GRIN1: variants seen among roughly 807,000 people sequenced by gnomAD.
The protein encoded by GRIN1 is glutamate ionotropic receptor NMDA type subunit 1.
A neutral mutation model predicts 103.0 loss-of-function variants in GRIN1; 38 were observed. The ratio of observed to expected loss-of-function variants is 0.37; its 90% CI spans 0.28 to 0.48. The LOEUF (loss-of-function observed/expected upper bound fraction) is 0.48. GRIN1 is among the 20% of genes least tolerant of loss of function. GRIN1 has a pLI of 0.98. For synonymous variants in GRIN1, 544 were observed against 532.7 expected (o/e 1.02, Z -0.29); for missense variants, 577 against 1,288.9 (o/e 0.45, Z 8.46).
chr9:137,160,968 G>T, intron 8 of GRIN1, 88 bp from the exon 9 acceptor site: 1 of 1,550,594 alleles, frequency 6.4e-7, no homozygotes, highest in Non-Finnish European at 8.8e-7. Flanking sequence ...TAAGAGGGGC[G>T]CCAGGGGAGG....
intron 4 of GRIN1, 101 bp from the exon 5 acceptor site, chr9:137,156,568 G>A: frequency 6.7e-7 from 1 of 1,498,136 alleles, no homozygotes; most frequent in East Asian, 2.4e-5. Context: ...AGGGGATGGG[G>A]GCTGGGCAGG....
rs879705324 is a variant in GRIN1 at position 137,167,704 on chromosome 9, C to T, written c.*177C>T. The T allele has an allele frequency of 1.1e-5, 18 of 1,602,550 alleles. No homozygotes were observed. The highest frequency in any genetic ancestry group is 2.3e-5 in the East Asian group (1 of 44,414). On this transcript the variant is annotated 3_prime_UTR_variant, in exon 20 of 20. Coordinates refer to ENST00000371561, the MANE Select transcript of GRIN1 (RefSeq NM_007327.4). Reference sequence around the variant, plus strand: ...GGTTGGCCGGCTGGCCGGTCCACCCCGTCCCGGCCCCGCGCGTGCCCCCAG... The same window carrying T: ...GGTTGGCCGGCTGGCCGGTCCACCCTGTCCCGGCCCCGCGCGTGCCCCCAG...
chr9:137,162,304 G>C lies in GRIN1; in HGVS notation c.1751+14G>C. 6.5e-7 allele frequency: 1 copy of C among 1,546,944 alleles called. No individual in the cohort carries two copies. The highest frequency in any genetic ancestry group is 8.7e-7 in the Non-Finnish European group (1 of 1,148,806). ...GGACCGCTTCAGGTGAGCGCGACCC[G>C]GGGCTCAGACACCTCCATCTGCGGG... On this transcript the variant is annotated intron_variant, in intron 12 of 19. Coordinates refer to ENST00000371561, the MANE Select transcript of GRIN1 (RefSeq NM_007327.4).
chr9:137,149,562 G>A (rs1832723692), intron 4 of GRIN1, among the ~76,000 whole-genome samples: 1 of 152,244 alleles, frequency 6.6e-6, no homozygotes, highest in Non-Finnish European at 1.5e-5. Flanking sequence ...AACAGCTGCA[G>A]CAGTAGCTTA....
At chr9:137,165,046 C>G (rs1258485899) in intron 18 of GRIN1, 140 bp from the exon 19 acceptor site, 3 of 752,938 alleles carry the variant, frequency 4.0e-6, no homozygotes, top group Admixed American at 1.8e-5. Context: ...GCTGTCGGCC[C>G]GTCTGTCCAG....
In GRIN1 at chr9:137,150,533, C is replaced by T. The variant is rs894660132; in HGVS notation, c.671+1424C>T. On this transcript the variant is annotated intron_variant, in intron 4 of 19. Coordinates refer to ENST00000371561, the MANE Select transcript of GRIN1 (RefSeq NM_007327.4). Reference sequence around the variant, plus strand: ...GATAAAAGCCCCGCCCAGAAAAAGACCCGCCAAAGGAAAGCCCAGCCCAGA... The same window carrying T: ...GATAAAAGCCCCGCCCAGAAAAAGATCCGCCAAAGGAAAGCCCAGCCCAGA... Among the ~76,000 whole-genome samples, 13 of 148,392 alleles carry T rather than the reference C, an allele frequency of 8.8e-5. No homozygotes were observed. In the East Asian group the frequency reaches 1.2e-3, roughly 14 times the overall value.
In GRIN1 at chr9:137,142,045, C is replaced by A. The variant is rs781197755; in HGVS notation, c.291C>A (p.Thr97=). Residue 97 remains threonine (T), a synonymous_variant, in exon 2 of 20, where the codon ACC becomes ACA. Coordinates refer to ENST00000371561, the MANE Select transcript of GRIN1 (RefSeq NM_007327.4). ...VYAILVSHPP[T]PNDHFTPTPV... ...CCATCCTAGTTAGCCATCCACCTAC[C>A]CCCAACGACCACTTCACTCCCACCC... 17 of 1,614,026 alleles carry A rather than the reference C, an allele frequency of 1.1e-5. No homozygotes were observed. In the South Asian group the frequency reaches 1.6e-4, roughly 16 times the overall value.
At chr9:137,165,606 A>G (rs1833830202) in intron 19 of GRIN1, among the ~76,000 whole-genome samples, 1 of 146,008 alleles carries the variant, frequency 6.8e-6, no homozygotes, top group Admixed American at 6.7e-5. Flanking sequence ...CAGCCACACC[A>G]CCTCTCGGGG....
rs987608150 is a variant in GRIN1 at position 137,168,117 on chromosome 9, G to A, written c.*590G>A. On this transcript the variant is annotated 3_prime_UTR_variant, in exon 20 of 20. Coordinates refer to ENST00000371561, the MANE Select transcript of GRIN1 (RefSeq NM_007327.4). ...GGCCCTGGGGTCTCTGAGCAGTGGG[G>A]AGCGGGGGCTAACTGGCCCCAGGCG... 5 of 549,058 alleles carry A rather than the reference G, an allele frequency of 9.1e-6. No homozygotes were observed. Among genetic ancestry groups the A allele is most frequent in the Non-Finnish European group, 1.6e-5 (5 of 309,182 alleles). 34.0% of individuals were successfully genotyped at this position (549,058 alleles called of 1,614,324 possible).
Position 137,160,935 on chromosome 9 carries a change from G to A in GRIN1, c.1198-121G>A, listed in dbSNP as rs1025880358. ...CAGTGGCCGGCGGCGCAGGGCGGGG[G>A]GTGTGAGGGGTGCGTCGGGGATTAA... On this transcript the variant is annotated intron_variant, in intron 8 of 19. Coordinates refer to ENST00000371561, the MANE Select transcript of GRIN1 (RefSeq NM_007327.4). 50 of 1,255,846 alleles carry A rather than the reference G, an allele frequency of 4.0e-5. No homozygotes were observed. In the African/African-American group the frequency reaches 4.4e-4, roughly 11 times the overall value. 77.8% of individuals were successfully genotyped at this position (1,255,846 alleles called of 1,614,324 possible). A position where few individuals can be genotyped will look rare whatever the true frequency, so the allele number is the denominator to read the frequency against.
At position 137,161,947 on chromosome 9, in the gene GRIN1, G is replaced by A; in HGVS notation, c.1491G>A (p.Glu497=). 1 of 1,565,840 alleles carries A rather than the reference G, an allele frequency of 6.4e-7. No homozygotes were observed. Among genetic ancestry groups the A allele is most frequent in the Admixed American group, 1.9e-5 (1 of 53,310 alleles). ...AGGTGAACAACAGCAACAAGAAGGA[G>A]TGGAATGGGATGATGGGCGAGCTGC... The part of the protein sequence containing the change: ...QERVNNSNKK[E]WNGMMGELLS... Residue 497 remains glutamate, a synonymous_variant, in exon 11 of 20, where the codon GAG becomes GAA. Transcript: ENST00000371561.
At chr9:137,148,467 G>A (rs1832670369) in intron 3 of GRIN1, among the ~76,000 whole-genome samples, 3 of 152,206 alleles carry the variant, frequency 2.0e-5, no homozygotes, top group Non-Finnish European at 4.4e-5. Flanking sequence ...TGCTCTCCGG[G>A]AAGTGCATGC....
intron 2 of GRIN1, 39 bp from the exon 3 acceptor site, chr9:137,145,687 C>T (rs773803618): frequency 7.0e-6 from 11 of 1,579,762 alleles, no homozygotes; most frequent in African/African-American, 1.3e-5. Context: ...CGGGTCCCCG[C>T]GGGTCCACCT....
At chr9:137,165,650 C>G (rs1322635278) in intron 19 of GRIN1, among the ~76,000 whole-genome samples, 1 of 152,246 alleles carries the variant, frequency 6.6e-6, no homozygotes, top group African/African-American at 2.4e-5. Context: ...CAGCGTGGCC[C>G]CATCCTGGAC....
rs1412208025 is a variant in GRIN1, at chr9:137,162,108, C to T, written c.1632+20C>T. The T allele has an allele frequency of 8.4e-6, 2 of 238,186 alleles. No homozygotes were observed. The highest frequency in any genetic ancestry group is 4.0e-5 in the African/African-American group (1 of 24,742). The allele number at this position is 238,186 out of a possible 1,614,324, so 14.8% of individuals were successfully genotyped here. On this transcript the variant is annotated intron_variant, in intron 11 of 19. Transcript: ENST00000371561. ...AAGAAGGTGGGCAGGGGCCGGGTGGCGGGGTGGCGGCGGGGGGAGTCCCTG... is the reference window on the plus strand; with the variant it reads ...AAGAAGGTGGGCAGGGGCCGGGTGGTGGGGTGGCGGCGGGGGGAGTCCCTG...
intron 1 of GRIN1, 83 bp from the exon 2 acceptor site, chr9:137,141,914 GCCTGCTGGGTTCAGCC>G: frequency 7.7e-7 from 1 of 1,293,606 alleles, no homozygotes; most frequent in Non-Finnish European, 1.1e-6. Flanking sequence ...GCCCCCCTTA[GCCTGCTGGGTTCAGCC>G]CCTGCTGCTT....
In GRIN1 at chr9:137,167,818, T is replaced by A; in HGVS notation, c.*291T>A. On this transcript the variant is annotated 3_prime_UTR_variant, in exon 20 of 20. Transcript: ENST00000371561. ...TCACGGGCCCGCTCAACCTCTCAGA[T>A]CCCTCGGTCAGCACCGTGGTGTGAG... 6.2e-7 allele frequency: 1 copy of A among 1,612,186 alleles called. No homozygotes were observed. The highest frequency in any genetic ancestry group is 8.5e-7 in the Non-Finnish European group (1 of 1,179,612).
rs933357323 is a variant in GRIN1 at position 137,167,663 on chromosome 9, C to T, written c.*136C>T. The T allele has an allele frequency of 2.6e-6, 4 of 1,522,044 alleles. No individual in the cohort carries two copies. Among genetic ancestry groups the T allele is most frequent in the Non-Finnish European group, 3.5e-6 (4 of 1,135,524 alleles). 94.3% of individuals were successfully genotyped at this position (1,522,044 alleles called of 1,614,324 possible). A position where few individuals can be genotyped will look rare whatever the true frequency, so the allele number is the denominator to read the frequency against. ...AGCACCCCCAGCCTCCCCCAGGCTGCGCCTGCCCGCCCGCCGGTTGGCCGG... is the reference window on the plus strand; with the variant it reads ...AGCACCCCCAGCCTCCCCCAGGCTGTGCCTGCCCGCCCGCCGGTTGGCCGG... On this transcript the variant is annotated 3_prime_UTR_variant, in exon 20 of 20. Transcript: ENST00000371561.
rs28514863 is a variant in GRIN1 at position 137,156,535 on chromosome 9, A to G, written c.672-134A>G. On this transcript the variant is annotated intron_variant, in intron 4 of 19. Coordinates refer to ENST00000371561, the MANE Select transcript of GRIN1 (RefSeq NM_007327.4). Reference sequence around the variant, plus strand: ...GGTTCTGGGCCGCAGCGCCTCTGCGAGGTCTGCAGGCTTCGCTCTAGGAGG... The same window carrying G: ...GGTTCTGGGCCGCAGCGCCTCTGCGGGGTCTGCAGGCTTCGCTCTAGGAGG... The G allele has an allele frequency of 0.29, 373,185 of 1,280,400 alleles. 59,806 individuals are homozygous for G. The highest frequency in any genetic ancestry group is 0.33 in the Non-Finnish European group (302,621 of 926,856). The allele number at this position is 1,280,400 out of a possible 1,614,324, so 79.3% of individuals were successfully genotyped here. A position where few individuals can be genotyped will look rare whatever the true frequency, so the allele number is the denominator to read the frequency against.
Sources: allele counts gnomAD v4.1 joint callset (sites outside exome capture counted in the v4.1 genomes callset), GRCh38; gene constraint gnomAD v4.1.1; transcripts MANE v1.5; gene names NCBI Gene and HGNC (gene_info 2026-07-23, HGNC 2026-07-21).